TAFA1: variants seen among roughly 807,000 people sequenced by gnomAD.
The protein encoded by TAFA1 is TAFA chemokine like family member 1.
TAFA1 carries 4 observed loss-of-function variants against 18.5 expected under a neutral mutation model. The ratio of observed to expected loss-of-function variants is 0.22; its 90% CI spans 0.11 to 0.49. The LOEUF is 0.49. Ranked by LOEUF, TAFA1 falls within the 20% of genes least tolerant of loss-of-function variation. The pLI is 0.98. For synonymous variants in TAFA1, 56 were observed against 55.2 expected, an observed-to-expected ratio of 1.01 and a Z score of -0.06; for missense variants, 147 against 169.0, an observed-to-expected ratio of 0.87 and a Z score of 0.72.
intron 2 of TAFA1, among the ~76,000 whole-genome samples, chr3:68,183,450 C>T (rs1559550828): frequency 1.3e-5 from 2 of 152,070 alleles, no homozygotes; most frequent in African/African-American, 4.8e-5. Context: ...AAGTGAGGTG[C>T]ATATTAATAG....
At chr3:68,145,565 C>G (rs1478159538) in intron 2 of TAFA1, 1 of 1,475,618 alleles carries the variant, frequency 6.8e-7, no homozygotes, top group African/African-American at 1.4e-5. Context: ...GCCTGCTCCA[C>G]TTCCCCCAAT....
At chr3:68,450,331 C>T (rs2071550695) in intron 3 of TAFA1, among the ~76,000 whole-genome samples, 1 of 152,136 alleles carries the variant, frequency 6.6e-6, no homozygotes, top group South Asian at 2.1e-4. Context: ...ACATGTTGAG[C>T]TGGAGATAAA....
chr3:68,354,096 CA>C (rs1468899558), intron 2 of TAFA1, among the ~76,000 whole-genome samples: 3 of 151,654 alleles, frequency 2.0e-5, no homozygotes, highest in Non-Finnish European at 4.4e-5. Context: ...TTTTTTAAAA[CA>C]AAACAAACAA....
At chr3:68,135,697 C>A (rs769471960) in intron 2 of TAFA1, among the ~76,000 whole-genome samples, 1 of 152,106 alleles carries the variant, frequency 6.6e-6, no homozygotes, top group Non-Finnish European at 1.5e-5. Flanking sequence ...GGAAGTTGAT[C>A]CTTTAAGGAT....
chr3:68,062,981 A>C (rs891756098), intron 2 of TAFA1, among the ~76,000 whole-genome samples: 3 of 152,164 alleles, frequency 2.0e-5, no homozygotes, highest in African/African-American at 7.2e-5. Context: ...TGCCAACTCA[A>C]ATGCCCACAG....
chr3:68,071,906 C>T (rs1466773376), intron 2 of TAFA1, among the ~76,000 whole-genome samples: 2 of 151,992 alleles, frequency 1.3e-5, no homozygotes, highest in African/African-American at 2.4e-5. Flanking sequence ...CATGAGGGAT[C>T]CGCCCCCATG....
intron 2 of TAFA1, among the ~76,000 whole-genome samples, chr3:68,063,340 G>A (rs576960325): frequency 2.0e-5 from 3 of 152,208 alleles, no homozygotes; most frequent in East Asian, 3.9e-4. Context: ...CTTAGAGAAC[G>A]TTTTAAATAC....
intron 2 of TAFA1, among the ~76,000 whole-genome samples, chr3:68,395,923 TCCCA>T (rs937913290): frequency 2.0e-5 from 3 of 151,348 alleles, no homozygotes; most frequent in African/African-American, 7.3e-5. Flanking sequence ...CTTACATGTA[TCCCA>T]GAACTTAAAG....
chr3:68,397,316 C>T (rs1386518703), intron 2 of TAFA1, among the ~76,000 whole-genome samples: 3 of 152,072 alleles, frequency 2.0e-5, no homozygotes, highest in East Asian at 1.9e-4. Context: ...CCCCTTGCCC[C>T]CTACCCGCCA....
At chr3:68,481,708 G>GCA (rs2072240130) in intron 3 of TAFA1, among the ~76,000 whole-genome samples, 1 of 152,060 alleles carries the variant, frequency 6.6e-6, no homozygotes, top group South Asian at 2.1e-4. Context: ...TAGCACATAG[G>GCA]CATATATCAA....
chr3:68,457,166 G>C (rs1245555613), intron 3 of TAFA1, among the ~76,000 whole-genome samples: 3 of 152,154 alleles, frequency 2.0e-5, no homozygotes, highest in African/African-American at 7.2e-5. Flanking sequence ...AAAATTACAT[G>C]GTAGTATACT....
chr3:68,398,095 AAG>A (rs112788426), intron 2 of TAFA1, among the ~76,000 whole-genome samples: 4,563 of 152,320 alleles, frequency 0.03, 88 homozygotes, highest in Middle Eastern at 0.048. Context: ...GAATAAAAAA[AAG>A]AGCCCGTATA....
At chr3:68,254,320 T>A (rs1474170485) in intron 2 of TAFA1, among the ~76,000 whole-genome samples, 1 of 152,076 alleles carries the variant, frequency 6.6e-6, no homozygotes, top group Non-Finnish European at 1.5e-5. Context: ...GAGAAAAATA[T>A]GAAAATCAAT....
At chr3:68,161,190 G>C (rs2065921472) in intron 2 of TAFA1, among the ~76,000 whole-genome samples, 1 of 152,148 alleles carries the variant, frequency 6.6e-6, no homozygotes. Context: ...CCCATAGAAG[G>C]TATAACGCTA....
At chr3:68,457,145 T>G (rs58864487) in intron 3 of TAFA1, among the ~76,000 whole-genome samples, 36,101 of 152,102 alleles carry the variant, frequency 0.24, 4,618 homozygotes, top group East Asian at 0.43. Context: ...ATAGCAACTG[T>G]AGGGGGCTAC....
At chr3:68,121,194 T>G (rs1384057698) in intron 2 of TAFA1, among the ~76,000 whole-genome samples, 1 of 149,816 alleles carries the variant, frequency 6.7e-6, no homozygotes, top group Non-Finnish European at 1.5e-5. Flanking sequence ...ATAATGCATC[T>G]TATTCTAATT....
intron 3 of TAFA1, among the ~76,000 whole-genome samples, chr3:68,427,387 A>G (rs2071076376): frequency 6.6e-6 from 1 of 151,850 alleles, no homozygotes; most frequent in Non-Finnish European, 1.5e-5. Context: ...TGCTGTCCAC[A>G]TGAATAACTA....
chr3:68,046,785 C>A (rs2064391933), intron 2 of TAFA1, among the ~76,000 whole-genome samples: 2 of 152,146 alleles, frequency 1.3e-5, no homozygotes, highest in Non-Finnish European at 2.9e-5. Context: ...AAGACTTGAA[C>A]ACAGCCTCCA....
chr3:68,211,730 G>A (rs2066599532), intron 2 of TAFA1, among the ~76,000 whole-genome samples: 1 of 152,074 alleles, frequency 6.6e-6, no homozygotes, highest in South Asian at 2.1e-4. Context: ...GAAGGTGAAG[G>A]GAGCTGGTGT....
Sources: gnomAD v4.1 joint callset for allele counts (sites outside exome capture counted in the v4.1 genomes callset) on GRCh38, gnomAD v4.1.1 for gene constraint, MANE v1.5 for transcripts, NCBI Gene and HGNC (gene_info 2026-07-23, HGNC 2026-07-21) for gene names.